ACSM3: variants seen among roughly 807,000 people sequenced by gnomAD.
ACSM3 encodes the protein acyl-coenzyme A synthetase ACSM3, mitochondrial.
In ACSM3, 61 loss-of-function variants were observed where a neutral mutation model predicts 74.1. The observed-to-expected ratio is 0.82, with a 90% CI of 0.67 to 1.02. The LOEUF is 1.02. Ranked by LOEUF, ACSM3 falls within the 50% of genes least tolerant of loss-of-function variation. The probability of loss-of-function intolerance (pLI) is 0.00; values close to 1 mark genes in which losing one functional copy is unlikely to be tolerated. For missense variants in ACSM3, 660 were observed against 697.0 expected, an observed-to-expected ratio of 0.95 and a Z score of 0.60; for synonymous variants, 213 against 241.5, an observed-to-expected ratio of 0.88 and a Z score of 1.09.
chr16:20,770,118 G>T lies in ACSM3; in HGVS notation c.84G>T (p.Leu28=). Reference sequence around the variant, plus strand: ...CAATTTTTGGTTCTGTGAGGGCACTGCATAAAGATAATAGAACAGCAACCC... The same window carrying T: ...CAATTTTTGGTTCTGTGAGGGCACTTCATAAAGATAATAGAACAGCAACCC... ...RLAIFGSVRA[L]HKDNRTATPQ... Residue 28 remains leucine (L), a synonymous_variant, in exon 2 of 14, where the codon CTG becomes CTT. Coordinates refer to ENST00000289416, the MANE Select transcript of ACSM3 (RefSeq NM_005622.4). The T allele has an allele frequency of 6.2e-7, 1 of 1,614,174 alleles. No individual in the cohort carries two copies. Among genetic ancestry groups the T allele is most frequent in the Non-Finnish European group, 8.5e-7 (1 of 1,180,032 alleles).
At chr16:20,733,310 ATATCCT>A (rs775326469) in intron 1 of ACSM3, among the ~76,000 whole-genome samples, 2 of 152,088 alleles carry the variant, frequency 1.3e-5, no homozygotes, top group Non-Finnish European at 2.9e-5. Flanking sequence ...AAATAAAGAT[ATATCCT>A]AAATGTTCAA....
At chr16:20,675,663 C>T (rs1461651951) in intron 1 of ACSM3, among the ~76,000 whole-genome samples, 2 of 152,192 alleles carry the variant, frequency 1.3e-5, no homozygotes, top group Non-Finnish European at 2.9e-5. Context: ...ATTAGAATAG[C>T]CCTCTTTTAG....
intron 1 of ACSM3, chr16:20,742,114 T>C (rs1248239542): frequency 7.5e-6 from 9 of 1,194,132 alleles, no homozygotes. Context: ...TGCCAGCTAC[T>C]GTGGAGGAAA....
chr16:20,770,329 CT>C, intron 2 of ACSM3, 76 bp downstream of exon 2: 1 of 1,293,656 alleles, frequency 7.7e-7, no homozygotes, highest in South Asian at 1.3e-5. Context: ...TCTCTAATGT[CT>C]AGAAATATTT....
chr16:20,763,903 TCCTGTAAACTTTAGCCCAGAG>T (rs1446203045), upstream of ACSM3: 1 of 151,930 alleles, frequency 6.6e-6, no homozygotes, highest in Non-Finnish European at 1.5e-5. Flanking sequence ...CCGCTGGGAG[TCCTGTAAACTTTAGCCCAGAG>T]CTTGGCTCCT....
intron 2 of ACSM3, among the ~76,000 whole-genome samples, chr16:20,771,290 G>A (rs755691537): frequency 2.6e-5 from 4 of 151,558 alleles, no homozygotes; most frequent in Non-Finnish European, 5.9e-5. Context: ...TGAACTCCTG[G>A]TCTCAAGTGA....
chr16:20,750,781 A>C (rs1365623091), intron 2 of ACSM3, among the ~76,000 whole-genome samples: 1 of 151,254 alleles, frequency 6.6e-6, no homozygotes, highest in Non-Finnish European at 1.5e-5. Context: ...ACTGTGCTTC[A>C]GACAAATTAA....
intron 1 of ACSM3, chr16:20,734,390 TTAAG>T (rs1429192269): frequency 2.0e-5 from 3 of 152,558 alleles, no homozygotes; most frequent in Non-Finnish European, 4.4e-5. Flanking sequence ...TTCAATGTCA[TTAAG>T]TATTAACATT....
At chr16:20,716,336 TG>T (rs535453872) in intron 1 of ACSM3, among the ~76,000 whole-genome samples, 54 of 152,236 alleles carry the variant, frequency 3.5e-4, no homozygotes, top group Middle Eastern at 3.4e-3. Flanking sequence ...GGAAGATGTC[TG>T]GGGTCCAGGG....
intron 1 of ACSM3, chr16:20,681,460 C>T (rs1477505630): frequency 6.6e-6 from 1 of 152,170 alleles, no homozygotes; most frequent in Non-Finnish European, 1.5e-5. Context: ...GGTTCTCAAC[C>T]TTTGGAGGAT....
chr16:20,678,440 G>A (rs1284360552), intron 1 of ACSM3, among the ~76,000 whole-genome samples: 3 of 152,146 alleles, frequency 2.0e-5, no homozygotes, highest in Non-Finnish European at 2.9e-5. Flanking sequence ...TCCACCCCCA[G>A]GAGTTCAGGA....
upstream of ACSM3, among the ~76,000 whole-genome samples, chr16:20,762,364 G>T (rs1452778333): frequency 6.6e-6 from 1 of 151,396 alleles, no homozygotes. Context: ...CTGGAAGCCA[G>T]AATTTACTCA....
At chr16:20,782,608 G>A (rs893319425) in intron 7 of ACSM3, among the ~76,000 whole-genome samples, 5 of 152,102 alleles carry the variant, frequency 3.3e-5, no homozygotes, top group Admixed American at 2.0e-4. Context: ...CATTATCTCC[G>A]TGGAGGCAGC....
At chr16:20,741,627 TGACGG>T in intron 1 of ACSM3, 2 of 1,574,378 alleles carry the variant, frequency 1.3e-6, no homozygotes, top group Non-Finnish European at 1.7e-6. Flanking sequence ...GGGCTCTAGC[TGACGG>T]GGCCCGCCAG....
At chr16:20,739,746 A>T (rs2079901393) in intron 1 of ACSM3, among the ~76,000 whole-genome samples, 1 of 151,770 alleles carries the variant, frequency 6.6e-6, no homozygotes, top group Non-Finnish European at 1.5e-5. Context: ...GCTTGAACCC[A>T]GAAGGCAGAT....
Position 20,781,656 on chromosome 16 carries a change from G to A in ACSM3, c.940-52G>A, listed in dbSNP as rs142925231. 3 of 1,313,254 alleles carry A rather than the reference G, an allele frequency of 2.3e-6. No individual in the cohort carries two copies. In the African/African-American group the frequency reaches 4.3e-5, roughly 19 times the overall value. 81.4% of individuals were successfully genotyped at this position (1,313,254 alleles called of 1,614,324 possible). A position where few individuals can be genotyped will look rare whatever the true frequency, so the allele number is the denominator to read the frequency against. On this transcript the variant is annotated intron_variant, in intron 6 of 13. Transcript: ENST00000289416. ...TGCTGCGTCAACCAAAGACATTTAA[G>A]CACTTATTTAAGTTGTAGTAAGACC...
chr16:20,754,548 T>C (rs748102602), intron 2 of ACSM3, among the ~76,000 whole-genome samples: 1 of 152,244 alleles, frequency 6.6e-6, no homozygotes, highest in Non-Finnish European at 1.5e-5. Context: ...AGTAATTTCT[T>C]TGCTCAGCTT....
At chr16:20,686,150 A>C (rs2079550245) in intron 1 of ACSM3, among the ~76,000 whole-genome samples, 1 of 152,160 alleles carries the variant, frequency 6.6e-6, no homozygotes, top group Non-Finnish European at 1.5e-5. Flanking sequence ...CTCAATAAAT[A>C]TTATTATTAT....
intron 1 of ACSM3, among the ~76,000 whole-genome samples, chr16:20,693,950 G>T (rs1596479304): frequency 6.6e-6 from 1 of 152,208 alleles, no homozygotes; most frequent in Non-Finnish European, 1.5e-5. Context: ...CCTGTGCTAA[G>T]ATTCTTAAAT....
Sources: gnomAD v4.1 joint callset for allele counts (sites outside exome capture counted in the v4.1 genomes callset) on GRCh38, gnomAD v4.1.1 for gene constraint, MANE v1.5 for transcripts, NCBI Gene and HGNC (gene_info 2026-07-23, HGNC 2026-07-21) for gene names.